CNTNAP2: variants seen among roughly 807,000 people sequenced by gnomAD.
The protein encoded by CNTNAP2 is contactin associated protein 2, also known as contactin-associated protein-like 2.
CNTNAP2 carries 98 observed loss-of-function variants against 155.2 expected under a neutral mutation model. The ratio of observed to expected loss-of-function variants is 0.63; its 90% CI spans 0.54 to 0.75. The LOEUF (loss-of-function observed/expected upper bound fraction) is 0.75, where lower values mean the gene tolerates loss of function less well. Ranked by LOEUF, CNTNAP2 falls within the 30% of genes least tolerant of loss-of-function variation. The probability of loss-of-function intolerance (pLI) is 0.00; values close to 1 mark genes in which losing one functional copy is unlikely to be tolerated. For missense variants in CNTNAP2, 1,727 were observed against 1,688.1 expected, an observed-to-expected ratio of 1.02 and a Z score of -0.40; for synonymous variants, 651 against 631.2, an observed-to-expected ratio of 1.03 and a Z score of -0.47.
chr7:147,159,805 A>G (rs1347385039), intron 8 of CNTNAP2, among the ~76,000 whole-genome samples: 3 of 152,148 alleles, frequency 2.0e-5, no homozygotes, highest in Non-Finnish European at 4.4e-5. Context: ...CCAACTCACA[A>G]TATGTGAGGA....
intron 8 of CNTNAP2, among the ~76,000 whole-genome samples, chr7:147,294,626 T>G (rs746200066): frequency 2.6e-5 from 4 of 152,154 alleles, no homozygotes; most frequent in Non-Finnish European, 4.4e-5. Context: ...TACATTAATA[T>G]TTGTAATTAT....
At chr7:148,238,570 T>C (rs17170907) in intron 20 of CNTNAP2, among the ~76,000 whole-genome samples, 6,407 of 152,320 alleles carry the variant, frequency 0.042, 153 homozygotes, top group Admixed American at 0.047. Context: ...AGGATTTGTG[T>C]TTTCTTTGGA....
At chr7:148,039,525 C>G (rs565244066) in intron 15 of CNTNAP2, among the ~76,000 whole-genome samples, 1 of 152,280 alleles carries the variant, frequency 6.6e-6, no homozygotes, top group Admixed American at 6.5e-5. Flanking sequence ...TTAACCATCA[C>G]AGCAACTGGG....
intron 21 of CNTNAP2, among the ~76,000 whole-genome samples, chr7:148,341,283 T>A (rs1351667507): frequency 2.1e-5 from 2 of 96,330 alleles, no homozygotes; most frequent in Non-Finnish European, 2.2e-5. Context: ...CTTTTTTTTT[T>A]AATTTTTTTT....
chr7:147,650,005 TA>T (rs1354165695), intron 13 of CNTNAP2, among the ~76,000 whole-genome samples: 2 of 152,140 alleles, frequency 1.3e-5, no homozygotes, highest in African/African-American at 4.8e-5. Flanking sequence ...CTTCCATCTG[TA>T]CATACTTTCA....
chr7:147,123,259 G>A (rs1374609164), intron 6 of CNTNAP2, among the ~76,000 whole-genome samples: 1 of 152,142 alleles, frequency 6.6e-6, no homozygotes, highest in South Asian at 2.1e-4. Context: ...TCTTAAAGAT[G>A]AATTATTCAT....
chr7:146,836,640 A>C (rs1803623082), intron 2 of CNTNAP2, among the ~76,000 whole-genome samples: 1 of 152,176 alleles, frequency 6.6e-6, no homozygotes, highest in Non-Finnish European at 1.5e-5. Context: ...GTTTGTAAGC[A>C]CTAAATTATC....
intron 1 of CNTNAP2, among the ~76,000 whole-genome samples, chr7:146,257,761 A>G (rs568887580): frequency 3.9e-5 from 6 of 152,348 alleles, no homozygotes; most frequent in Admixed American, 3.3e-4. Flanking sequence ...ACCAGAGAAC[A>G]TACTTTGAAA....
intron 9 of CNTNAP2, among the ~76,000 whole-genome samples, chr7:147,371,341 T>C (rs1422176144): frequency 6.6e-6 from 1 of 152,180 alleles, no homozygotes; most frequent in African/African-American, 2.4e-5. Flanking sequence ...TCTAAGAAAT[T>C]GCAGCCTACC....
chr7:146,935,675 C>T (rs974062775), intron 3 of CNTNAP2, among the ~76,000 whole-genome samples: 14 of 152,284 alleles, frequency 9.2e-5, no homozygotes, highest in South Asian at 2.1e-4. Flanking sequence ...GCTAAATAAT[C>T]GAATTGCTTT....
chr7:146,257,497 A>C (rs1010379624), intron 1 of CNTNAP2, among the ~76,000 whole-genome samples: 12 of 152,228 alleles, frequency 7.9e-5, no homozygotes, highest in Non-Finnish European at 1.8e-4. Context: ...ACGTACTTCC[A>C]GATGTAAAAG....
intron 1 of CNTNAP2, among the ~76,000 whole-genome samples, chr7:146,469,434 A>G (rs1367772517): frequency 6.7e-6 from 1 of 150,342 alleles, no homozygotes; most frequent in African/African-American, 2.4e-5. Context: ...ATGTATAACC[A>G]TTTCTTTTGA....
At chr7:148,176,347 G>A (rs890353254) in intron 18 of CNTNAP2, among the ~76,000 whole-genome samples, 2 of 148,770 alleles carry the variant, frequency 1.3e-5, no homozygotes, top group African/African-American at 2.5e-5. Flanking sequence ...TCAGCCTCCC[G>A]AGTAGCTGGG....
chr7:147,409,080 C>T (rs573869674), intron 10 of CNTNAP2, among the ~76,000 whole-genome samples: 3 of 152,290 alleles, frequency 2.0e-5, no homozygotes, highest in East Asian at 3.9e-4. Flanking sequence ...TCACTAGTCT[C>T]CCCAAACAAT....
rs182368747 is a variant in CNTNAP2, at chr7:146,477,601, C to T, written c.98-296670C>T. Among the ~76,000 whole-genome samples, 17 of 146,920 alleles carry T rather than the reference C, an allele frequency of 1.2e-4. No homozygotes were observed. The East Asian group carries it at 2.9e-3, about 25-fold the overall frequency. ...CTTGAGCTTCCTCTATTCAAAGATT[C>T]CAGTAATCATTCTTCTTCAGCAAAC... On this transcript the variant is annotated intron_variant, in intron 1 of 23. Coordinates refer to ENST00000361727, the MANE Select transcript of CNTNAP2 (RefSeq NM_014141.6).
intron 1 of CNTNAP2, among the ~76,000 whole-genome samples, chr7:146,581,637 A>G (rs1228779968): frequency 6.8e-6 from 1 of 147,326 alleles, no homozygotes; most frequent in Admixed American, 6.8e-5. Flanking sequence ...ATAATAAACA[A>G]GAAAATGATG....
At chr7:147,750,513 C>G (rs1797116632) in intron 13 of CNTNAP2, among the ~76,000 whole-genome samples, 1 of 152,044 alleles carries the variant, frequency 6.6e-6, no homozygotes, top group South Asian at 2.1e-4. Context: ...ATTGCATTTA[C>G]TTTTTAAAAA....
chr7:146,671,431 A>ACACACACACACG (rs1800303164), intron 1 of CNTNAP2, among the ~76,000 whole-genome samples: 1 of 147,938 alleles, frequency 6.8e-6, no homozygotes, highest in South Asian at 2.1e-4. Context: ...TTTGTCACTC[A>ACACACACACACG]CACACACACA....
chr7:146,302,615 A>G (rs1246515970), intron 1 of CNTNAP2, among the ~76,000 whole-genome samples: 1 of 152,168 alleles, frequency 6.6e-6, no homozygotes, highest in African/African-American at 2.4e-5. Context: ...GAGTTGAGAT[A>G]TGAAAAGACA....
Sources: allele counts gnomAD v4.1 joint callset (sites outside exome capture counted in the v4.1 genomes callset), GRCh38; gene constraint gnomAD v4.1.1; transcripts MANE v1.5; gene names NCBI Gene and HGNC (gene_info 2026-07-23, HGNC 2026-07-21).